The following PSMA1 variants were observed in gnomAD, a reference collection of about 807,000 sequenced individuals.
The protein encoded by PSMA1 is proteasome subunit alpha type-1.
A neutral mutation model predicts 38.4 loss-of-function variants in PSMA1; 3 were observed. The observed-to-expected ratio is 0.08, with a 90% CI of 0.04 to 0.20. The LOEUF (loss-of-function observed/expected upper bound fraction) is 0.20, where lower values mean the gene tolerates loss of function less well. Among genes scored for constraint, PSMA1 ranks in the 10% least tolerant of loss-of-function variants. PSMA1 has a pLI of 1.00. For missense variants in PSMA1, 227 were observed against 325.3 expected (o/e 0.70, Z 2.32); for synonymous variants, 101 against 107.1 (o/e 0.94, Z 0.35).
chr11:14,531,627 T>C (rs1207672952), intron 2 of PSMA1, among the ~76,000 whole-genome samples: 2 of 151,972 alleles, frequency 1.3e-5, no homozygotes, highest in Non-Finnish European at 2.9e-5. Flanking sequence ...ACCCACCTAA[T>C]TTTTGTATTT....
At position 14,534,967 on chromosome 11, in the gene PSMA1, G is replaced by T. The variant is rs1049786246; in HGVS notation, c.22-15926C>A. On this transcript the variant is annotated intron_variant, in intron 2 of 10. Coordinates refer to the PSMA1 transcript ENST00000418988. The surrounding 1 kb of genome is among the most constrained non-coding windows in gnomAD (Gnocchi z 4.5). ...CAGACGCCTGTAATCCCAGCTACTCGGGAGGCTGAGGCAGGAGAATTGCTT... is the reference window on the plus strand; with the variant it reads ...CAGACGCCTGTAATCCCAGCTACTCTGGAGGCTGAGGCAGGAGAATTGCTT... 6.6e-6 allele frequency among the ~76,000 whole-genome samples: 1 copy of T among 151,990 alleles called. No homozygotes were observed. Among genetic ancestry groups the T allele is most frequent in the Non-Finnish European group, 1.5e-5 (1 of 67,998 alleles).
At chr11:14,522,905 C>CT (rs997557518), upstream of PSMA1, among the ~76,000 whole-genome samples, 7 of 152,088 alleles carry the variant, frequency 4.6e-5, no homozygotes, top group Non-Finnish European at 1.0e-4. Context: ...AATTTTTTGA[C>CT]TTTTTAAAAA....
rs888802705 is a variant in PSMA1 at position 14,593,333 on chromosome 11, C to A, written c.21+17633G>T. ...TGCAAGAGAAGGAAAGCATCTACAACGCTGCCCAAATTTACCTGACCACAG... is the reference window on the plus strand; with the variant it reads ...TGCAAGAGAAGGAAAGCATCTACAAAGCTGCCCAAATTTACCTGACCACAG... On this transcript the variant is annotated intron_variant, in intron 2 of 10. Transcript: ENST00000418988. Among the ~76,000 whole-genome samples, 3 of 152,198 alleles carry A rather than the reference C, an allele frequency of 2.0e-5. No individual in the cohort carries two copies. In the East Asian group the frequency reaches 5.8e-4, roughly 29 times the overall value.
chr11:14,589,062 G>A (rs1399369049), intron 2 of PSMA1, among the ~76,000 whole-genome samples: 4 of 151,918 alleles, frequency 2.6e-5, no homozygotes, highest in African/African-American at 7.3e-5. Context: ...CTTGCCCCAG[G>A]GCCATTGCAC....
At chr11:14,558,949 T>C (rs1196038941) in intron 2 of PSMA1, among the ~76,000 whole-genome samples, 2 of 152,196 alleles carry the variant, frequency 1.3e-5, no homozygotes. Flanking sequence ...GAGCTCTGGG[T>C]TGTTGGTCAA....
In PSMA1 at chr11:14,633,615, A is replaced by G. The variant is rs976720530; in HGVS notation, c.-166+9840T>C. 3.6e-3 allele frequency among the ~76,000 whole-genome samples: 547 copies of G among 152,248 alleles called. 4 individuals are homozygous for G. Among genetic ancestry groups the G allele is most frequent in the Admixed American group, 5.5e-3 (84 of 15,280 alleles). ...TGTTTGTCTGTGCCCTGCCCCCAGA[A>G]GTGGAGCCTACAAAGGCAGGCAGGC... On this transcript the variant is annotated intron_variant, in intron 1 of 10. Coordinates refer to the PSMA1 transcript ENST00000418988.
intron 9 of PSMA1, among the ~76,000 whole-genome samples, chr11:14,507,254 C>T (rs936053068): frequency 1.3e-5 from 2 of 151,864 alleles, no homozygotes; most frequent in Admixed American, 6.6e-5. Flanking sequence ...CTGCAACCTC[C>T]GCCTCCCGGG....
intron 1 of PSMA1, among the ~76,000 whole-genome samples, chr11:14,616,434 T>A (rs1036281777): frequency 6.6e-6 from 1 of 151,982 alleles, no homozygotes; most frequent in Non-Finnish European, 1.5e-5. Flanking sequence ...GGTCTCACCA[T>A]GTTGGCTAGG....
chr11:14,517,903 G>A lies in PSMA1; in HGVS notation c.127C>T (p.His43Tyr). 1 of 1,607,214 alleles carries A rather than the reference G, an allele frequency of 6.2e-7. No homozygotes were observed. The highest frequency in any genetic ancestry group is 8.5e-7 in the Non-Finnish European group (1 of 1,177,714). Residue 43 changes from histidine (H) to tyrosine (Y), a missense_variant, in exon 3 of 10, where the codon CAT becomes TAT. By Grantham distance (83) the His-to-Tyr change is moderately conservative. Transcript: ENST00000396394. ...ACTTTCAATGCAACCAAAACTGCATGAGTTTTTGATTTCAGACCAACTGTG... is the reference window on the plus strand; with the variant it reads ...ACTTTCAATGCAACCAAAACTGCATAAGTTTTTGATTTCAGACCAACTGTG... ...SATVGLKSKT[H>Y]AVLVALKRAQ... is the part of the protein sequence containing the mutation.
chr11:14,612,991 A>T (rs1852727666), intron 1 of PSMA1, among the ~76,000 whole-genome samples: 1 of 152,118 alleles, frequency 6.6e-6, no homozygotes, highest in South Asian at 2.1e-4. Flanking sequence ...ATTAAGATGG[A>T]GATAGGGAAG....
At chr11:14,571,489 G>C (rs1852139627) in intron 2 of PSMA1, among the ~76,000 whole-genome samples, 3 of 151,980 alleles carry the variant, frequency 2.0e-5, no homozygotes, top group Non-Finnish European at 4.4e-5. Flanking sequence ...CACCAGGCCT[G>C]CCTTATAAGA....
intron 2 of PSMA1, among the ~76,000 whole-genome samples, chr11:14,567,689 A>G (rs1852088381): frequency 6.6e-6 from 1 of 152,242 alleles, no homozygotes; most frequent in South Asian, 2.1e-4. Context: ...GCTGAGATTG[A>G]ACAAAGCAAT....
At chr11:14,521,313 T>TAATAATAAG (rs1333151986), upstream of PSMA1, among the ~76,000 whole-genome samples, 3 of 80,532 alleles carry the variant, frequency 3.7e-5, no homozygotes, top group African/African-American at 5.1e-5. Flanking sequence ...ATAATAAGAA[T>TAATAATAAG]AAGAATAAGA....
rs1225921514 is a variant in PSMA1, at chr11:14,561,804, CTAAAT to C, written c.22-42768_22-42764del. 8.1e-4 allele frequency among the ~76,000 whole-genome samples: 108 copies of C among 132,706 alleles called. 1 individual carries two copies. Among genetic ancestry groups the C allele is most frequent in the East Asian group, 9.6e-4 (4 of 4,180 alleles). 87.1% of individuals were successfully genotyped at this position (132,706 alleles called of 152,430 possible). A position where few individuals can be genotyped will look rare whatever the true frequency, so the allele number is the denominator to read the frequency against. ...CACTCTAGTCCTAAACTAAACTAAACTAAATTAAACTAAACTAAACTAAACTAAAC... is the reference window on the plus strand; with the variant it reads ...CACTCTAGTCCTAAACTAAACTAAACTAAACTAAACTAAACTAAACTAAAC... On this transcript the variant is annotated intron_variant, in intron 2 of 10. Transcript: ENST00000418988.
intron 2 of PSMA1, among the ~76,000 whole-genome samples, chr11:14,531,526 G>C (rs914494760): frequency 6.6e-6 from 1 of 152,094 alleles, no homozygotes; most frequent in Non-Finnish European, 1.5e-5. Context: ...GCAATGGCGC[G>C]AACTTAGCTC....
At chr11:14,529,310 T>C (rs565399562) in intron 2 of PSMA1, among the ~76,000 whole-genome samples, 1 of 152,276 alleles carries the variant, frequency 6.6e-6, no homozygotes, top group East Asian at 1.9e-4. Flanking sequence ...TAGGGTGCAA[T>C]TTGTAAGTAA....
intron 1 of PSMA1, among the ~76,000 whole-genome samples, chr11:14,622,765 A>G (rs1010742278): frequency 6.6e-6 from 1 of 152,222 alleles, no homozygotes; most frequent in Non-Finnish European, 1.5e-5. Flanking sequence ...TCCAGGCTGC[A>G]CTGCAAACAG....
intron 1 of PSMA1, 140 bp downstream of exon 1, chr11:14,520,157 C>A: frequency 7.4e-7 from 1 of 1,358,806 alleles, no homozygotes; most frequent in Non-Finnish European, 1.0e-6. Flanking sequence ...TGCTGAATCA[C>A]TGCCGGAGCC....
chr11:14,619,077 A>C (rs1348810964), intron 1 of PSMA1, among the ~76,000 whole-genome samples: 2 of 152,196 alleles, frequency 1.3e-5, no homozygotes, highest in Admixed American at 6.5e-5. Flanking sequence ...TTCTGGAAAA[A>C]AGATGAATAA....
Sources: gnomAD v4.1 joint callset for allele counts (sites outside exome capture counted in the v4.1 genomes callset) on GRCh38, gnomAD v4.1.1 for gene constraint, Gnocchi (gnomAD v3.1) non-coding constraint, MANE v1.5 for transcripts, NCBI Gene and HGNC (gene_info 2026-07-23, HGNC 2026-07-21) for gene names.